The following GADL1 variants were observed in gnomAD, a reference collection of about 807,000 sequenced individuals.
GADL1 encodes GAD like acidic amino acid decarboxylase 1, also known as acidic amino acid decarboxylase GADL1.
Under a neutral mutation model 69.5 loss-of-function variants are expected in GADL1, and 71 were observed. That is an observed-to-expected ratio of 1.02 (90% CI 0.84 to 1.25). The LOEUF (loss-of-function observed/expected upper bound fraction) is 1.25. GADL1 is among the 50% of genes most tolerant of loss of function. GADL1 has a pLI of 0.00. For missense variants in GADL1, 737 were observed against 631.8 expected, an observed-to-expected ratio of 1.17 and a Z score of -1.79; for synonymous variants, 254 against 214.4, an observed-to-expected ratio of 1.18 and a Z score of -1.62.
intron 1 of GADL1, among the ~76,000 whole-genome samples, chr3:30,890,539 G>T (rs72852614): frequency 6.6e-6 from 1 of 152,158 alleles, no homozygotes; most frequent in Non-Finnish European, 1.5e-5. Context: ...AATCCTTTCT[G>T]AAAATCGCCT....
At chr3:30,886,951 C>T (rs1035266921) in intron 1 of GADL1, among the ~76,000 whole-genome samples, 4 of 152,192 alleles carry the variant, frequency 2.6e-5, no homozygotes, top group Non-Finnish European at 5.9e-5. Context: ...TGAGCCAGTG[C>T]TAAGTGTTTA....
intron 14 of GADL1, among the ~76,000 whole-genome samples, chr3:30,770,772 CAG>C (rs1209683826): frequency 1.3e-5 from 2 of 151,770 alleles, no homozygotes; most frequent in African/African-American, 4.9e-5. Flanking sequence ...AGGCTAAACT[CAG>C]AACTTATGCC....
rs1219501598 is a variant in GADL1 at position 30,786,424 on chromosome 3, A to G, written c.1251-18T>C. 14 of 1,240,542 alleles carry G rather than the reference A, an allele frequency of 1.1e-5. No homozygotes were observed. Among genetic ancestry groups the G allele is most frequent in the Non-Finnish European group, 1.5e-5 (13 of 844,762 alleles). 76.8% of individuals were successfully genotyped at this position (1,240,542 alleles called of 1,614,324 possible). On this transcript the variant is annotated intron_variant, in intron 12 of 14. Coordinates refer to ENST00000282538, the MANE Select transcript of GADL1 (RefSeq NM_207359.3). ...CTAGGTACCTAAAATTAAAAGTCACAATAATATTTATAATCTGCAATGTAA... is the reference window on the plus strand; with the variant it reads ...CTAGGTACCTAAAATTAAAAGTCACGATAATATTTATAATCTGCAATGTAA...
At chr3:30,769,380 A>G (rs1460105128) in intron 14 of GADL1, among the ~76,000 whole-genome samples, 1 of 151,914 alleles carries the variant, frequency 6.6e-6, no homozygotes, top group African/African-American at 2.4e-5. Context: ...GAACGTATGC[A>G]CACACGCACA....
intron 12 of GADL1, among the ~76,000 whole-genome samples, chr3:30,791,849 GTCTC>G (rs1553639490): frequency 6.6e-6 from 1 of 152,106 alleles, no homozygotes; most frequent in Non-Finnish European, 1.5e-5. Flanking sequence ...CAGTGAATAA[GTCTC>G]TCAGGATCTG....
At chr3:30,841,059 T>C (rs1697957070) in intron 8 of GADL1, among the ~76,000 whole-genome samples, 1 of 152,200 alleles carries the variant, frequency 6.6e-6, no homozygotes, top group Non-Finnish European at 1.5e-5. Flanking sequence ...GCCAGGGAGT[T>C]GAATCCCAGC....
chr3:30,843,453 T>C (rs1698003485), intron 8 of GADL1, among the ~76,000 whole-genome samples: 1 of 151,918 alleles, frequency 6.6e-6, no homozygotes, highest in Admixed American at 6.6e-5. Context: ...TGACGGGGTT[T>C]CACTGTATTA....
At chr3:30,869,542 A>G (rs1460266905) in intron 1 of GADL1, among the ~76,000 whole-genome samples, 1 of 151,950 alleles carries the variant, frequency 6.6e-6, no homozygotes, top group Non-Finnish European at 1.5e-5. Flanking sequence ...AACCATTTCC[A>G]CATCCAATCC....
At chr3:30,809,100 C>G (rs1158581458) in intron 11 of GADL1, among the ~76,000 whole-genome samples, 1 of 152,206 alleles carries the variant, frequency 6.6e-6, no homozygotes, top group South Asian at 2.1e-4. Flanking sequence ...TGTCTACTCA[C>G]AATATTTCTG....
At chr3:30,843,137 G>A (rs1011161581) in intron 8 of GADL1, among the ~76,000 whole-genome samples, 2 of 152,130 alleles carry the variant, frequency 1.3e-5, no homozygotes, top group African/African-American at 4.8e-5. Context: ...CCTATTGGAA[G>A]GTTATTGGAG....
intron 14 of GADL1, among the ~76,000 whole-genome samples, chr3:30,748,059 G>A (rs1057150076): frequency 6.6e-6 from 1 of 152,176 alleles, no homozygotes; most frequent in African/African-American, 2.4e-5. Flanking sequence ...TTACTCAACA[G>A]TGATGAAAAG....
intron 1 of GADL1, among the ~76,000 whole-genome samples, chr3:30,876,602 G>A (rs1371127644): frequency 6.6e-6 from 1 of 151,872 alleles, no homozygotes; most frequent in Non-Finnish European, 1.5e-5. Context: ...GTTTCTTCAG[G>A]TGTCTCTTCC....
intron 14 of GADL1, among the ~76,000 whole-genome samples, chr3:30,758,616 A>AG (rs1180125798): frequency 6.6e-6 from 1 of 152,234 alleles, no homozygotes; most frequent in Admixed American, 6.5e-5. Context: ...GCTTAAATAT[A>AG]AATGTGGACC....
chr3:30,782,622 GACAT>G (rs1229496253), intron 13 of GADL1, among the ~76,000 whole-genome samples: 1 of 152,150 alleles, frequency 6.6e-6, no homozygotes, highest in Non-Finnish European at 1.5e-5. Context: ...TGAGGATGAA[GACAT>G]ACAAAGAGGC....
chr3:30,755,824 CT>C (rs3042992), intron 14 of GADL1, among the ~76,000 whole-genome samples: 44 of 151,580 alleles, frequency 2.9e-4, no homozygotes, highest in African/African-American at 7.7e-4. Context: ...GCCAAAGGTA[CT>C]TTTTTTCCTA....
intron 6 of GADL1, among the ~76,000 whole-genome samples, chr3:30,848,961 T>C (rs1698100125): frequency 6.6e-6 from 1 of 152,182 alleles, no homozygotes; most frequent in Non-Finnish European, 1.5e-5. Context: ...GGGGTCTTTC[T>C]TCCCACATCT....
chr3:30,740,602 C>A (rs986701620), intron 14 of GADL1, among the ~76,000 whole-genome samples: 2 of 152,072 alleles, frequency 1.3e-5, no homozygotes, highest in Non-Finnish European at 2.9e-5. Flanking sequence ...ACCTTCCCCC[C>A]AAAGGTCTCT....
At chr3:30,844,100 T>C (rs1698014369) in intron 8 of GADL1, 110 bp downstream of exon 8, 1 of 762,714 alleles carries the variant, frequency 1.3e-6, no homozygotes, top group South Asian at 1.7e-5. Flanking sequence ...CACATAGAAA[T>C]GGTTTTGGCT....
At chr3:30,775,323 C>T (rs558068338) in intron 14 of GADL1, among the ~76,000 whole-genome samples, 10 of 152,314 alleles carry the variant, frequency 6.6e-5, no homozygotes, top group African/African-American at 1.9e-4. Flanking sequence ...GGGGCAAAGC[C>T]TTATTTGATT....
Sources: allele counts gnomAD v4.1 joint callset (sites outside exome capture counted in the v4.1 genomes callset), GRCh38; gene constraint gnomAD v4.1.1; transcripts MANE v1.5; gene names NCBI Gene and HGNC (gene_info 2026-07-23, HGNC 2026-07-21).